Variants in FAM124A observed in about 807,000 individuals in gnomAD.
The protein encoded by FAM124A is family with sequence similarity 124 member A.
A neutral mutation model predicts 24.5 loss-of-function variants in FAM124A; 23 were observed. That is an observed-to-expected ratio of 0.94 (90% CI 0.68 to 1.33). The LOEUF (loss-of-function observed/expected upper bound fraction) is 1.33, where lower values mean the gene tolerates loss of function less well. Among genes scored for constraint, FAM124A ranks in the 40% most tolerant of loss-of-function variants. The probability of loss-of-function intolerance (pLI) is 0.00; values close to 1 mark genes in which losing one functional copy is unlikely to be tolerated. For missense variants in FAM124A, 623 were observed against 722.8 expected (o/e 0.86, Z 1.58); for synonymous variants, 287 against 314.7 (o/e 0.91, Z 0.93).
At chr13:51,280,205 T>A (rs1324503974) in intron 3 of FAM124A, among the ~76,000 whole-genome samples, 2 of 152,178 alleles carry the variant, frequency 1.3e-5, no homozygotes, top group Non-Finnish European at 2.9e-5. Context: ...AAGTATTCTG[T>A]ATTGTGATAA....
chr13:51,256,814 T>C (rs1453909758), intron 3 of FAM124A, among the ~76,000 whole-genome samples: 1 of 152,220 alleles, frequency 6.6e-6, no homozygotes, highest in Non-Finnish European at 1.5e-5. Context: ...CCTGCCAAAC[T>C]GAAAGTCTGT....
At chr13:51,239,418 T>A (rs1391490149) in intron 2 of FAM124A, among the ~76,000 whole-genome samples, 1 of 152,246 alleles carries the variant, frequency 6.6e-6, no homozygotes, top group East Asian at 1.9e-4. Flanking sequence ...AATGGCATTG[T>A]ATATTTTGTT....
At position 51,272,782 on chromosome 13, in the gene FAM124A, C is replaced by T. The variant is rs549618331; in HGVS notation, c.835-7668C>T. ...ATACTGGGCCCAGGAGGAAGAAGTGCAATCTGTGTTACACTTCTGGGACTG... is the reference window on the plus strand; with the variant it reads ...ATACTGGGCCCAGGAGGAAGAAGTGTAATCTGTGTTACACTTCTGGGACTG... On this transcript the variant is annotated intron_variant, in intron 3 of 3. Coordinates refer to ENST00000322475, the MANE Select transcript of FAM124A (RefSeq NM_001242312.2). The surrounding 1 kb of genome is among the most constrained non-coding windows in gnomAD (Gnocchi z 4.2). Among the ~76,000 whole-genome samples, 1 of 151,436 alleles carries T rather than the reference C, an allele frequency of 6.6e-6. No homozygotes were observed. Among genetic ancestry groups the T allele is most frequent in the East Asian group, 1.9e-4 (1 of 5,178 alleles).
chr13:51,249,733 A>C (rs1316977650), intron 2 of FAM124A, among the ~76,000 whole-genome samples: 1 of 152,154 alleles, frequency 6.6e-6, no homozygotes. Flanking sequence ...CCAAGTTACT[A>C]TTCCGTTGTA....
At chr13:51,254,454 G>A (rs1954656140) in intron 3 of FAM124A, among the ~76,000 whole-genome samples, 1 of 152,030 alleles carries the variant, frequency 6.6e-6, no homozygotes, top group Non-Finnish European at 1.5e-5. Flanking sequence ...TTTTTACTGA[G>A]ATCAGATAAA....
intron 3 of FAM124A, among the ~76,000 whole-genome samples, chr13:51,259,952 G>A (rs1431075202): frequency 6.6e-6 from 1 of 152,146 alleles, no homozygotes; most frequent in Non-Finnish European, 1.5e-5. Context: ...GGAGGCTGAG[G>A]GAGCAGTGGA....
intron 3 of FAM124A, among the ~76,000 whole-genome samples, chr13:51,268,598 G>A (rs570556465): frequency 6.6e-6 from 1 of 152,264 alleles, no homozygotes; most frequent in South Asian, 2.1e-4. Context: ...AGCATGAACA[G>A]GTGCAACTGG....
At chr13:51,233,912 A>G (rs729484) in intron 2 of FAM124A, among the ~76,000 whole-genome samples, 49,155 of 152,078 alleles carry the variant, frequency 0.32, 8,278 homozygotes, top group East Asian at 0.6. Flanking sequence ...TGATTTAGTT[A>G]CAGGGCCTCT....
chr13:51,225,600 G>T (rs1954307669), intron 1 of FAM124A, among the ~76,000 whole-genome samples: 1 of 152,168 alleles, frequency 6.6e-6, no homozygotes, highest in Non-Finnish European at 1.5e-5. Flanking sequence ...GGAGGTTTGA[G>T]TTTTTGAGAA....
chr13:51,276,740 C>T (rs539874990), intron 3 of FAM124A, among the ~76,000 whole-genome samples: 1 of 152,336 alleles, frequency 6.6e-6, no homozygotes, highest in South Asian at 2.1e-4. Context: ...TCAATGTGAA[C>T]CCGTTGCCCA....
At chr13:51,280,346 T>A in intron 3 of FAM124A, 104 bp from the exon 4 acceptor site, 1 of 1,010,750 alleles carries the variant, frequency 9.9e-7, no homozygotes, top group Non-Finnish European at 1.4e-6. Context: ...TAATGCTTTA[T>A]TGCCATGACA....
At chr13:51,226,863 A>G (rs1954320502) in intron 1 of FAM124A, among the ~76,000 whole-genome samples, 1 of 152,148 alleles carries the variant, frequency 6.6e-6, no homozygotes, top group Non-Finnish European at 1.5e-5. Context: ...TGAAACCTTG[A>G]TCCAGTGACT....
intron 3 of FAM124A, among the ~76,000 whole-genome samples, chr13:51,266,559 C>A (rs1016761891): frequency 2.0e-5 from 3 of 152,158 alleles, no homozygotes; most frequent in Non-Finnish European, 2.9e-5. Flanking sequence ...TTACCAGTAA[C>A]AACACTGCAA....
chr13:51,223,634 C>T (rs1390065470), intron 1 of FAM124A, among the ~76,000 whole-genome samples: 1 of 152,182 alleles, frequency 6.6e-6, no homozygotes, highest in Admixed American at 6.5e-5. Flanking sequence ...GCCCCTCCTG[C>T]CCCACCACTC....
intron 2 of FAM124A, among the ~76,000 whole-genome samples, chr13:51,235,074 G>T (rs1406199182): frequency 7.3e-6 from 1 of 136,922 alleles, no homozygotes; most frequent in Non-Finnish European, 1.7e-5. Context: ...TGGATGGTTT[G>T]GTTTTGTCTG....
rs1447903411 is a variant in FAM124A, at chr13:51,222,416, C to T, written c.-86C>T. The T allele has an allele frequency of 1.2e-5, 13 of 1,121,252 alleles. No homozygotes were observed. In the East Asian group the frequency reaches 4.4e-4, roughly 38 times the overall value. 69.5% of individuals were successfully genotyped at this position (1,121,252 alleles called of 1,614,324 possible). Reference sequence around the variant, plus strand: ...GGCCGCCAGACGCTCGGAGGGAGCCCGGCCGGCTCGGACTGGGCGGCCGGG... The same window carrying T: ...GGCCGCCAGACGCTCGGAGGGAGCCTGGCCGGCTCGGACTGGGCGGCCGGG... On this transcript the variant is annotated 5_prime_UTR_variant, in exon 1 of 4. Coordinates refer to ENST00000322475, the MANE Select transcript of FAM124A (RefSeq NM_001242312.2).
rs558244240 is a variant in FAM124A, at chr13:51,265,545, C to T, written c.834+13344C>T. On this transcript the variant is annotated intron_variant, in intron 3 of 3. Coordinates refer to ENST00000322475, the MANE Select transcript of FAM124A (RefSeq NM_001242312.2). ...GGGACTTCTGGGTGGTTCTCGCGTG[C>T]CTAAATCAACACAGTCAAGGCCACA... Among the ~76,000 whole-genome samples, 3 of 152,226 alleles carry T rather than the reference C, an allele frequency of 2.0e-5. No individual in the cohort carries two copies. In the South Asian group the frequency reaches 6.2e-4, roughly 32 times the overall value.
chr13:51,230,197 A>C (rs1401002935), intron 1 of FAM124A, among the ~76,000 whole-genome samples: 1 of 152,238 alleles, frequency 6.6e-6, no homozygotes, highest in Non-Finnish European at 1.5e-5. Context: ...TTCATTTGTG[A>C]AAGTGAAAAC....
intron 2 of FAM124A, among the ~76,000 whole-genome samples, chr13:51,245,116 C>T (rs1593593710): frequency 6.6e-6 from 1 of 152,308 alleles, no homozygotes; most frequent in Non-Finnish European, 1.5e-5. Flanking sequence ...AAGCAGGTGT[C>T]TGGTCTGCCA....
Sources: gnomAD v4.1 joint callset for allele counts (sites outside exome capture counted in the v4.1 genomes callset) on GRCh38, gnomAD v4.1.1 for gene constraint, Gnocchi (gnomAD v3.1) non-coding constraint, MANE v1.5 for transcripts, NCBI Gene and HGNC (gene_info 2026-07-23, HGNC 2026-07-21) for gene names.